NCOA6: variants seen among roughly 807,000 people sequenced by gnomAD.
NCOA6 encodes the protein NRC RAP250.
In NCOA6, 49 loss-of-function variants were observed where a neutral mutation model predicts 171.4. That is an observed-to-expected ratio of 0.29 (90% CI 0.23 to 0.36). The LOEUF is 0.36. Among genes scored for constraint, NCOA6 ranks in the 10% least tolerant of loss-of-function variants. The pLI is 1.00. For missense variants in NCOA6, 2,248 were observed against 2,554.5 expected, an observed-to-expected ratio of 0.88 and a Z score of 2.59; for synonymous variants, 910 against 927.5, an observed-to-expected ratio of 0.98 and a Z score of 0.34.
chr20:34,741,730 C>T lies in NCOA6; in HGVS notation c.4526G>A (p.Gly1509Glu). The T allele has an allele frequency of 1.2e-6, 2 of 1,613,982 alleles. No individual in the cohort carries two copies. Among genetic ancestry groups the T allele is most frequent in the Non-Finnish European group, 1.7e-6 (2 of 1,179,996 alleles). Residue 1509 changes from glycine to glutamate, a missense_variant, in exon 11 of 15, where the codon GGG becomes GAG. Around this residue, in one of 7 missense-constraint regions of NCOA6, gnomAD observed 884 missense variants for 941.9 expected, o/e 0.94. Transcript: ENST00000359003. ...AGGTGTTACTTCCAGATCTGTAAGC[C>T]CAGGGGGTTTAATTGTCACATTGGG... The part of the protein sequence containing the change: ...GAPNVTIKPP[G>E]LTDLEVTPPV...
intron 1 of NCOA6, among the ~76,000 whole-genome samples, chr20:34,795,009 A>T (rs2078016890): frequency 6.6e-6 from 1 of 152,192 alleles, no homozygotes; most frequent in Non-Finnish European, 1.5e-5. Flanking sequence ...TTAAAGAGAA[A>T]GAAATAAGCA....
chr20:34,754,837 T>G lies in NCOA6; in HGVS notation c.1560A>C (p.Ser520=). 6.2e-7 allele frequency: 1 copy of G among 1,614,190 alleles called. No individual in the cohort carries two copies. The highest frequency in any genetic ancestry group is 1.1e-5 in the South Asian group (1 of 91,086). The part of the protein sequence containing the change: ...GMPKRLPPGF[S]AGQANPNFMQ... ...TAAAGTTCGGATTGGCCTGTCCTGCTGAGAAGCCAGGTGGGAGGCGTTTAG... is the reference window on the plus strand; with the variant it reads ...TAAAGTTCGGATTGGCCTGTCCTGCGGAGAAGCCAGGTGGGAGGCGTTTAG... The change falls in exon 8 of 15, where the codon TCA becomes TCC. Residue 520 remains serine, a synonymous_variant. Coordinates refer to ENST00000359003, the MANE Select transcript of NCOA6 (RefSeq NM_014071.5).
At chr20:34,803,417 A>G (rs1169272324) in intron 1 of NCOA6, among the ~76,000 whole-genome samples, 1 of 151,780 alleles carries the variant, frequency 6.6e-6, no homozygotes, top group African/African-American at 2.4e-5. Flanking sequence ...CAGTGAGCCA[A>G]TACGGCACCA....
chr20:34,766,768 C>A (rs773562217), intron 5 of NCOA6, among the ~76,000 whole-genome samples: 2 of 152,118 alleles, frequency 1.3e-5, no homozygotes, highest in Non-Finnish European at 2.9e-5. Context: ...CATATTAAGT[C>A]CTTTGGCCAG....
chr20:34,772,690 G>C (rs2077187985), intron 4 of NCOA6, among the ~76,000 whole-genome samples: 1 of 152,182 alleles, frequency 6.6e-6, no homozygotes, highest in South Asian at 2.1e-4. Flanking sequence ...TTCTGAGCCA[G>C]CGGGGCTGCC....
chr20:34,742,886 A>C lies in NCOA6; in HGVS notation c.3370T>G (p.Ser1124Ala). 1.9e-6 allele frequency: 3 copies of C among 1,614,202 alleles called. No individual in the cohort carries two copies. The highest frequency in any genetic ancestry group is 2.5e-6 in the Non-Finnish European group (3 of 1,180,028). The change falls in exon 11 of 15, where the codon TCG (serine) becomes GCG (alanine). Residue 1124 changes from serine (S) to alanine (A), a missense_variant. By Grantham distance (99) the Ser-to-Ala change is moderately conservative. Around this residue, in one of 7 missense-constraint regions of NCOA6, gnomAD observed 352 missense variants for 419.1 expected, o/e 0.84. Coordinates refer to ENST00000359003, the MANE Select transcript of NCOA6 (RefSeq NM_014071.5). ...AGTGAGGCCATCTCCGCCAGTGGCGAGCTGGAAGGATTCTGCGGGCTCTCC... is the reference window on the plus strand; with the variant it reads ...AGTGAGGCCATCTCCGCCAGTGGCGCGCTGGAAGGATTCTGCGGGCTCTCC... ...YQESPQNPSS[S>A]PLAEMASLPE...
chr20:34,741,212 G>A lies in NCOA6; in HGVS notation c.5044C>T (p.Pro1682Ser). 6.2e-7 allele frequency: 1 copy of A among 1,614,226 alleles called. No homozygotes were observed. Among genetic ancestry groups the A allele is most frequent in the Non-Finnish European group, 8.5e-7 (1 of 1,180,036 alleles). Residue 1682 changes from proline (P) to serine (S), a missense_variant, in exon 11 of 15, where the codon CCA (proline) becomes TCA (serine). Pro to Ser is a moderately conservative substitution (Grantham distance 74). Around this residue, in one of 7 missense-constraint regions of NCOA6, gnomAD observed 884 missense variants for 941.9 expected, o/e 0.94. Coordinates refer to ENST00000359003, the MANE Select transcript of NCOA6 (RefSeq NM_014071.5). ...ATCAGGCCAGAGTTGGTTGTCAGTG[G>A]GGCTGCAGGAATTGTGCTTGGCTGT... ...GSQPSTIPAA[P>S]LTTNSGLMPP...
At chr20:34,773,723 C>G (rs1032973740) in intron 4 of NCOA6, among the ~76,000 whole-genome samples, 4 of 152,172 alleles carry the variant, frequency 2.6e-5, no homozygotes, top group African/African-American at 7.2e-5. Flanking sequence ...GGGGTTTCAC[C>G]ATGTTGGCCA....
chr20:34,771,765 C>A (rs1219455635), intron 4 of NCOA6, among the ~76,000 whole-genome samples: 1 of 152,202 alleles, frequency 6.6e-6, no homozygotes, highest in Non-Finnish European at 1.5e-5. Flanking sequence ...TCTCTGCACT[C>A]TTCGCATAGC....
intron 13 of NCOA6, among the ~76,000 whole-genome samples, chr20:34,730,636 T>C (rs933292595): frequency 2.0e-5 from 3 of 151,952 alleles, no homozygotes; most frequent in African/African-American, 7.3e-5. Flanking sequence ...AGCAATGAAT[T>C]TGGAATGAGA....
Position 34,742,624 on chromosome 20 carries a change from G to A in NCOA6, c.3632C>T (p.Thr1211Ile), listed in dbSNP as rs1269233175. ...GGGTCTGGGGCTGGCTCTGTTTGGT[G>A]TTTTGGGCCTAGATGTCTGGGTTGG... Reference protein sequence around the residue: ...AAPTQTSRPKTPNRASPRPYY... With the variant: ...AAPTQTSRPKIPNRASPRPYY... Residue 1211 changes from threonine (T) to isoleucine (I), a missense_variant, in exon 11 of 15, where the codon ACA (threonine) becomes ATA (isoleucine). This residue lies in a region of NCOA6 where 352 missense variants were observed against 419.1 expected (regional missense o/e 0.84). Coordinates refer to ENST00000359003, the MANE Select transcript of NCOA6 (RefSeq NM_014071.5). 6.2e-7 allele frequency: 1 copy of A among 1,614,154 alleles called. No individual in the cohort carries two copies. Among genetic ancestry groups the A allele is most frequent in the South Asian group, 1.1e-5 (1 of 91,074 alleles).
chr20:34,727,206 G>A, intron 14 of NCOA6, 53 bp downstream of exon 14: 1 of 1,583,334 alleles, frequency 6.3e-7, no homozygotes, highest in Non-Finnish European at 8.6e-7. Flanking sequence ...GCTGTGGTAA[G>A]AACTCTATTC....
At chr20:34,818,442 T>A (rs1174610284) in intron 1 of NCOA6, among the ~76,000 whole-genome samples, 2 of 152,178 alleles carry the variant, frequency 1.3e-5, no homozygotes, top group Admixed American at 6.6e-5. Context: ...TTAATTTTTT[T>A]AAGTTTTATT....
chr20:34,766,290 T>TA (rs2076979218), intron 5 of NCOA6, among the ~76,000 whole-genome samples: 1 of 152,162 alleles, frequency 6.6e-6, no homozygotes, highest in African/African-American at 2.4e-5. Context: ...CTAAAGCTTC[T>TA]CAGTTTCCTA....
At chr20:34,730,732 A>C (rs1220462153) in intron 13 of NCOA6, among the ~76,000 whole-genome samples, 1 of 133,732 alleles carries the variant, frequency 7.5e-6, no homozygotes. Context: ...TTTTTTTTTA[A>C]GATAGAGTCT....
Position 34,758,946 on chromosome 20 carries a change from T to C in NCOA6, c.515-13A>G, listed in dbSNP as rs376513342. ...ATCCTTATTATTCCTAGAAAAAAGA[T>C]CCCTAAAATAGAGTACTGGAATTGG... On this transcript the variant is annotated splice_polypyrimidine_tract_variant and intron_variant, in intron 5 of 14. Transcript: ENST00000359003. 1.9e-6 allele frequency: 3 copies of C among 1,612,894 alleles called. No individual in the cohort carries two copies. The highest frequency in any genetic ancestry group is 2.5e-6 in the Non-Finnish European group (3 of 1,179,508).
chr20:34,819,036 AATTTC>A (rs1448340082), intron 1 of NCOA6, among the ~76,000 whole-genome samples: 1 of 152,156 alleles, frequency 6.6e-6, no homozygotes, highest in Non-Finnish European at 1.5e-5. Flanking sequence ...CTCATCTTTT[AATTTC>A]ATTTATCATT....
At chr20:34,792,407 T>A in intron 2 of NCOA6, 43 bp downstream of exon 2, 1 of 395,112 alleles carries the variant, frequency 2.5e-6, no homozygotes, top group Non-Finnish European at 4.5e-6. Context: ...AGAATAAGCA[T>A]TAAGTTGGCT....
chr20:34,788,933 T>G (rs2077775026), intron 2 of NCOA6, among the ~76,000 whole-genome samples: 1 of 152,148 alleles, frequency 6.6e-6, no homozygotes, highest in African/African-American at 2.4e-5. Flanking sequence ...AGAGTGAAAC[T>G]CCGTCTCAAA....
Sources: gnomAD v4.1 joint callset for allele counts (sites outside exome capture counted in the v4.1 genomes callset) on GRCh38, gnomAD v4.1.1 for gene constraint, gnomAD v4.1.1 regional missense constraint, MANE v1.5 for transcripts, NCBI Gene and HGNC (gene_info 2026-07-23, HGNC 2026-07-21) for gene names.